The following NHS variants were observed in gnomAD, a reference collection of about 807,000 sequenced individuals.
NHS encodes the protein NHS actin remodeling regulator.
NHS carries 5 observed loss-of-function variants against 72.5 expected under a neutral mutation model. The ratio of observed to expected loss-of-function variants is 0.07; its 90% CI spans 0.04 to 0.14. The LOEUF is 0.14. Among genes scored for constraint, NHS ranks in the 10% least tolerant of loss-of-function variants. The probability of loss-of-function intolerance (pLI) is 1.00; values close to 1 mark genes in which losing one functional copy is unlikely to be tolerated. For synonymous variants in NHS, 464 were observed against 547.7 expected, an observed-to-expected ratio of 0.85 and a Z score of 2.13; for missense variants, 1,072 against 1,355.7, an observed-to-expected ratio of 0.79 and a Z score of 3.29.
Position 17,581,316 on chromosome X carries a change from G to A in NHS, c.566-106426G>A, listed in dbSNP as rs750305049. On this transcript the variant is annotated intron_variant, in intron 1 of 8. Transcript: ENST00000676302. The stretch of plus-strand genomic sequence containing the variant: ...GTCTATGACTGGGAAAGAAGGTGGA[G>A]AACTGATATTGAGGAAACAATGGAG... Among the ~76,000 whole-genome samples, 16 of 111,962 alleles carry A rather than the reference G, an allele frequency of 1.4e-4. No homozygotes were observed. The East Asian group carries it at 4.5e-3, about 32-fold the overall frequency.
intron 1 of NHS, among the ~76,000 whole-genome samples, chrX:17,492,125 C>G (rs956066453): frequency 9.0e-6 from 1 of 111,055 alleles, no homozygotes; most frequent in African/African-American, 3.3e-5. Flanking sequence ...TTTCATGTCT[C>G]TATCTCCTTC....
intron 1 of NHS, among the ~76,000 whole-genome samples, chrX:17,615,647 G>A (rs973080665): frequency 2.3e-4 from 25 of 110,434 alleles, no homozygotes; most frequent in Non-Finnish European, 4.2e-4. Context: ...TTCACTTGTC[G>A]TTTGGTCCCT....
intron 1 of NHS, among the ~76,000 whole-genome samples, chrX:17,562,027 C>T (rs989366971): frequency 6.3e-5 from 7 of 110,631 alleles, no homozygotes; most frequent in African/African-American, 1.3e-4. Context: ...TTCCTTAGTA[C>T]GTGTGTATGT....
intron 1 of NHS, among the ~76,000 whole-genome samples, chrX:17,680,544 C>G (rs2066121069): frequency 8.8e-6 from 1 of 113,214 alleles, no homozygotes; most frequent in Admixed American, 9.2e-5. Flanking sequence ...CAAGTGATAG[C>G]TTCACAAAAC....
At chrX:17,425,981 T>C (rs1021176843) in intron 1 of NHS, 2 of 112,205 alleles carry the variant, frequency 1.8e-5, no homozygotes, top group African/African-American at 3.2e-5. Context: ...GAGTGTGTGC[T>C]GCTAGGATTT....
intron 1 of NHS, among the ~76,000 whole-genome samples, chrX:17,474,037 A>G (rs1186412857): frequency 9.0e-6 from 1 of 111,331 alleles, no homozygotes; most frequent in East Asian, 2.8e-4. Context: ...TATTAAGACT[A>G]CTACCCAATA....
At chrX:17,615,182 TA>T (rs1411848931) in intron 1 of NHS, among the ~76,000 whole-genome samples, 11 of 37,724 alleles carry the variant, frequency 2.9e-4, no homozygotes, top group South Asian at 3.3e-3. Flanking sequence ...CGTATATATA[TA>T]GTATATATAC....
chrX:17,635,222 T>C, intron 1 of NHS: 4 of 867,149 alleles, frequency 4.6e-6, no homozygotes, highest in Non-Finnish European at 1.4e-6. Flanking sequence ...CCTAAACTGC[T>C]CCAGGGATGA....
intron 1 of NHS, among the ~76,000 whole-genome samples, chrX:17,436,265 G>A (rs1445785667): frequency 9.0e-6 from 1 of 111,305 alleles, no homozygotes; most frequent in African/African-American, 3.3e-5. Flanking sequence ...CAAATATAGA[G>A]GATAGCTTGT....
In NHS at chrX:17,728,227, C is replaced by G. The variant is rs1056939670; in HGVS notation, c.4121C>G (p.Ser1374Cys). 3.3e-6 allele frequency: 4 copies of G among 1,209,753 alleles called. No individual in the cohort carries two copies. The highest frequency in any genetic ancestry group is 2.2e-5 in the Admixed American group (1 of 45,746). The change falls in exon 7 of 9, where the codon TCC becomes TGC. Residue 1374 changes from serine to cysteine, a missense_variant. By Grantham distance (112) the Ser-to-Cys change is moderately radical. Transcript: ENST00000676302. ...GTAAATTCATTCCCTGAAAAATGTT[C>G]CAAGCAGGAAAATATTGCTTCAGGT... Reference protein sequence around the residue: ...TSVNSFPEKCSKQENIASGIS... With the variant: ...TSVNSFPEKCCKQENIASGIS...
At position 17,687,887 on chromosome X, in the gene NHS, G is replaced by A. The variant is rs1329482553; in HGVS notation, c.711G>A (p.Leu237=). 4 of 1,209,415 alleles carry A rather than the reference G, an allele frequency of 3.3e-6. No homozygotes were observed. The highest frequency in any genetic ancestry group is 4.5e-6 in the Non-Finnish European group (4 of 894,839). ...ACGCCCGGCAGAGCCTGCAAGCCCT[G>A]CGCAGAGGTGACAGATCCTGGGCTT... The part of the protein sequence containing the change: ...HRHARQSLQA[L]RREHRSRSDR... The change falls in exon 2 of 9, where the codon CTG becomes CTA. Residue 237 remains leucine, a synonymous_variant. Coordinates refer to ENST00000676302, the MANE Select transcript of NHS (RefSeq NM_001291867.2).
At chrX:17,470,344 A>G (rs1446584842) in intron 1 of NHS, among the ~76,000 whole-genome samples, 1 of 111,361 alleles carries the variant, frequency 9.0e-6, no homozygotes, top group Admixed American at 9.5e-5. Flanking sequence ...TCAAGGGCCT[A>G]CATGAGCCAT....
chrX:17,692,747 C>T (rs1015023660), intron 3 of NHS, among the ~76,000 whole-genome samples: 4 of 110,847 alleles, frequency 3.6e-5, no homozygotes, highest in South Asian at 7.6e-4. Context: ...CTTCAAACCT[C>T]GGTTCTTCTG....
In NHS at chrX:17,501,837, A is replaced by G. The variant is rs1340813717; in HGVS notation, c.565+125515A>G. ...TCCCTTTCAGCGAGAAACCAAGTAT[A>G]TAGATTTGGGGTTCATAGAAAACAT... On this transcript the variant is annotated intron_variant, in intron 1 of 8. Transcript: ENST00000676302. 6.2e-5 allele frequency among the ~76,000 whole-genome samples: 7 copies of G among 112,293 alleles called. No homozygotes were observed. In the Admixed American group the frequency reaches 6.6e-4, roughly 11 times the overall value.
chrX:17,566,852 C>T (rs746272664), intron 1 of NHS, among the ~76,000 whole-genome samples: 24 of 111,236 alleles, frequency 2.2e-4, no homozygotes, highest in African/African-American at 6.2e-4. Flanking sequence ...GGGCTAGCCT[C>T]GTGCCATTCA....
chrX:17,614,585 T>C (rs925767631), intron 1 of NHS, among the ~76,000 whole-genome samples: 1 of 111,956 alleles, frequency 8.9e-6, no homozygotes, highest in Non-Finnish European at 1.9e-5. Flanking sequence ...TATAGGTGTA[T>C]TGTTAGGACT....
At chrX:17,614,239 A>G (rs761172447) in intron 1 of NHS, among the ~76,000 whole-genome samples, 3 of 112,279 alleles carry the variant, frequency 2.7e-5, no homozygotes, top group Non-Finnish European at 5.6e-5. Context: ...CATCTCAAAG[A>G]CTTTGAAGCT....
At chrX:17,491,315 A>G (rs2146917096) in intron 1 of NHS, among the ~76,000 whole-genome samples, 1 of 111,747 alleles carries the variant, frequency 8.9e-6, no homozygotes, top group African/African-American at 3.2e-5. Flanking sequence ...CATTATTGAG[A>G]GTTTTTAGCA....
intron 1 of NHS, among the ~76,000 whole-genome samples, chrX:17,681,914 T>C (rs2066131474): frequency 1.8e-5 from 2 of 111,525 alleles, no homozygotes; most frequent in Non-Finnish European, 3.8e-5. Flanking sequence ...ATCTTTCTGA[T>C]GCTGAGAGGT....
Sources: allele counts gnomAD v4.1 joint callset (sites outside exome capture counted in the v4.1 genomes callset), GRCh38; gene constraint gnomAD v4.1.1; transcripts MANE v1.5; gene names NCBI Gene and HGNC (gene_info 2026-07-23, HGNC 2026-07-21).